The following TENM2 variants were observed in gnomAD, a reference collection of about 807,000 sequenced individuals.
The protein encoded by TENM2 is teneurin-2.
A neutral mutation model predicts 245.2 loss-of-function variants in TENM2; 52 were observed. The ratio of observed to expected loss-of-function variants is 0.21; its 90% CI spans 0.17 to 0.27. The LOEUF is 0.27. TENM2 is among the 10% of genes least tolerant of loss of function. The probability of loss-of-function intolerance (pLI) is 1.00; values close to 1 mark genes in which losing one functional copy is unlikely to be tolerated. For missense variants in TENM2, 3,046 were observed against 3,666.8 expected (o/e 0.83, Z 4.37); for synonymous variants, 1,363 against 1,438.9 (o/e 0.95, Z 1.19).
chr5:167,119,691 CTT>C, the TENM2 span: 1 of 152,240 alleles, frequency 6.6e-6, no homozygotes, highest in South Asian at 2.1e-4. Flanking sequence ...GGCCCCACCT[CTT>C]AATATCATCA....
chr5:167,548,422 T>A (rs1772707185), intron 2 of TENM2, among the ~76,000 whole-genome samples: 1 of 152,206 alleles, frequency 6.6e-6, no homozygotes, highest in Non-Finnish European at 1.5e-5. Flanking sequence ...TTTTTTCTAA[T>A]AAGCATTTTA....
chr5:168,112,613 G>GGGGC lies in TENM2; in HGVS notation c.1814-5676_1814-5675insCGGG, dbSNP rs1794765104. 4.1e-5 allele frequency among the ~76,000 whole-genome samples: 5 copies of GGGGC among 120,930 alleles called. 1 individual carries two copies. 79.3% of individuals were successfully genotyped at this position (120,930 alleles called of 152,430 possible). ...AATACAGTGTGCAGTGGGCGGGGGG[G>GGGGC]GGGTCAAACTTTATTACTTTTCTAC... On this transcript the variant is annotated intron_variant, in intron 9 of 28. Coordinates refer to ENST00000518659, the Ensembl canonical transcript of TENM2.
chr5:168,070,500 G>A lies in TENM2; in HGVS notation c.1515+8235G>A, dbSNP rs1790893458. 2.0e-5 allele frequency among the ~76,000 whole-genome samples: 3 copies of A among 151,840 alleles called. No individual in the cohort carries two copies. The South Asian group carries it at 6.3e-4, about 32-fold the overall frequency. On this transcript the variant is annotated intron_variant, in intron 7 of 28. Transcript: ENST00000518659. ...ATACTTATTTAGAAAGTAAACTTTA[G>A]GCCAGCTGTGGTGGCACATGCCTAT...
chr5:168,041,470 G>A (rs949422089), intron 5 of TENM2, among the ~76,000 whole-genome samples: 9 of 152,000 alleles, frequency 5.9e-5, no homozygotes, highest in Admixed American at 3.9e-4. Flanking sequence ...CCCCTTCGGC[G>A]TGCTCTTCCC....
the TENM2 span, among the ~76,000 whole-genome samples, chr5:167,230,582 G>A: frequency 1.5e-4 from 23 of 152,048 alleles, no homozygotes; most frequent in Non-Finnish European, 3.1e-4. Context: ...TTGCACATCA[G>A]AATCATCAGT....
chr5:167,365,242 A>G (rs1029825125), intron 1 of TENM2, among the ~76,000 whole-genome samples: 2 of 152,050 alleles, frequency 1.3e-5, no homozygotes, highest in African/African-American at 4.8e-5. Context: ...GAACTGAATG[A>G]TTTGCATGCA....
the TENM2 span, among the ~76,000 whole-genome samples, chr5:167,275,916 C>T: frequency 6.6e-6 from 1 of 151,980 alleles, no homozygotes; most frequent in Non-Finnish European, 1.5e-5. Flanking sequence ...CTGGTGAGAG[C>T]AGACATCATT....
At chr5:167,424,119 T>A (rs146721030) in intron 2 of TENM2, among the ~76,000 whole-genome samples, 2,752 of 151,932 alleles carry the variant, frequency 0.018, 81 homozygotes, top group African/African-American at 0.062. Context: ...CTATTCTGGG[T>A]TTTTGTTTTT....
At chr5:166,982,723 A>G in the TENM2 span, among the ~76,000 whole-genome samples, 2 of 151,926 alleles carry the variant, frequency 1.3e-5, no homozygotes, top group Admixed American at 6.6e-5. Flanking sequence ...CCCATTCTGC[A>G]CTCATAGTAT....
intron 2 of TENM2, among the ~76,000 whole-genome samples, chr5:167,409,604 A>G (rs1762805630): frequency 6.6e-6 from 1 of 152,066 alleles, no homozygotes; most frequent in African/African-American, 2.4e-5. Context: ...AGCGGCATGC[A>G]TACATAATAG....
chr5:167,899,667 G>A (rs1203547386), intron 3 of TENM2, among the ~76,000 whole-genome samples: 7 of 152,086 alleles, frequency 4.6e-5, no homozygotes, highest in African/African-American at 1.7e-4. Flanking sequence ...CTCATTTAGA[G>A]GGCAACACTC....
chr5:168,054,049 G>A (rs1012250002), intron 6 of TENM2, among the ~76,000 whole-genome samples: 5 of 152,232 alleles, frequency 3.3e-5, no homozygotes, highest in Non-Finnish European at 7.3e-5. Context: ...TAATGCAGGA[G>A]CAAGTTCATC....
intron 2 of TENM2, among the ~76,000 whole-genome samples, chr5:167,573,531 CCTCTCTCT>C (rs3052025): frequency 4.0e-5 from 6 of 149,832 alleles, no homozygotes. Flanking sequence ...CCCCTCTCCC[CCTCTCTCT>C]CTCTGCTTCT....
chr5:167,669,467 T>C (rs1203319331), intron 2 of TENM2, among the ~76,000 whole-genome samples: 1 of 152,154 alleles, frequency 6.6e-6, no homozygotes, highest in African/African-American at 2.4e-5. Context: ...ACAGTTAAGA[T>C]GGAGGAAGCG....
intron 5 of TENM2, among the ~76,000 whole-genome samples, chr5:168,037,281 T>G (rs753226669): frequency 6.6e-6 from 1 of 152,200 alleles, no homozygotes; most frequent in Non-Finnish European, 1.5e-5. Context: ...GCTGAACAAA[T>G]GACCAAATTG....
intron 3 of TENM2, among the ~76,000 whole-genome samples, chr5:167,898,014 A>G (rs1222794694): frequency 6.6e-6 from 1 of 151,766 alleles, no homozygotes; most frequent in East Asian, 1.9e-4. Context: ...ATTTGCACAC[A>G]GAAGACATGA....
chr5:167,368,189 CTA>C (rs1413315390), intron 1 of TENM2, among the ~76,000 whole-genome samples: 2 of 151,902 alleles, frequency 1.3e-5, no homozygotes, highest in Non-Finnish European at 2.9e-5. Context: ...ATTATCAAAA[CTA>C]TATTTCAGTT....
At chr5:168,171,585 T>TA (rs576265412) in intron 13 of TENM2, among the ~76,000 whole-genome samples, 18 of 152,274 alleles carry the variant, frequency 1.2e-4, no homozygotes, top group Non-Finnish European at 1.9e-4. Context: ...TGTTCTTTTT[T>TA]AAAAAAAGGG....
intron 2 of TENM2, among the ~76,000 whole-genome samples, chr5:167,725,926 C>T (rs1164429443): frequency 6.6e-6 from 1 of 152,176 alleles, no homozygotes; most frequent in Non-Finnish European, 1.5e-5. Context: ...CTTCAGCCCT[C>T]TCCCAAGGGC....
Sources: gnomAD v4.1 joint callset for allele counts (sites outside exome capture counted in the v4.1 genomes callset) on GRCh38, gnomAD v4.1.1 for gene constraint, MANE v1.5 for transcripts, NCBI Gene and HGNC (gene_info 2026-07-23, HGNC 2026-07-21) for gene names.